The following STX7 variants were observed in gnomAD, a reference collection of about 807,000 sequenced individuals.
The protein encoded by STX7 is syntaxin-7.
STX7 carries 34 observed loss-of-function variants against 39.6 expected under a neutral mutation model. The ratio of observed to expected loss-of-function variants is 0.86; its 90% CI spans 0.65 to 1.14. The LOEUF is 1.14. Ranked by LOEUF, STX7 falls within the 50% of genes most tolerant of loss-of-function variation. The pLI is 0.00. For synonymous variants in STX7, 119 were observed against 99.1 expected, an observed-to-expected ratio of 1.20 and a Z score of -1.19; for missense variants, 284 against 310.4, an observed-to-expected ratio of 0.92 and a Z score of 0.64.
At chr6:132,509,119 C>A (rs571961465) in intron 1 of STX7, among the ~76,000 whole-genome samples, 1 of 152,244 alleles carries the variant, frequency 6.6e-6, no homozygotes, top group East Asian at 1.9e-4. Context: ...CTAAGCCATA[C>A]TGCTTCCTTG....
At chr6:132,508,483 T>A (rs779790370) in intron 1 of STX7, among the ~76,000 whole-genome samples, 1 of 152,192 alleles carries the variant, frequency 6.6e-6, no homozygotes, top group Non-Finnish European at 1.5e-5. Context: ...CTACTTAGAT[T>A]GACTGGAATT....
rs953589591 is a variant in STX7 at position 132,457,871 on chromosome 6, A to G, written c.*2887T>C. On this transcript the variant is annotated 3_prime_UTR_variant, in exon 10 of 10. Transcript: ENST00000367941. Reference sequence around the variant, plus strand: ...GACTTTCAAAAAAAATAAATGCTGCATAAGTTACCCTTGTGGACCTTAGCT... The same window carrying G: ...GACTTTCAAAAAAAATAAATGCTGCGTAAGTTACCCTTGTGGACCTTAGCT... 2 of 152,258 alleles carry G rather than the reference A, an allele frequency of 1.3e-5. No individual in the cohort carries two copies. Among genetic ancestry groups the G allele is most frequent in the African/African-American group, 4.8e-5 (2 of 41,472 alleles). The allele number at this position is 152,258 out of a possible 1,614,324, so 9.4% of individuals were successfully genotyped here.
At chr6:132,479,669 C>T (rs191243693) in intron 2 of STX7, among the ~76,000 whole-genome samples, 2 of 152,172 alleles carry the variant, frequency 1.3e-5, no homozygotes, top group Non-Finnish European at 2.9e-5. Context: ...ATAGACTCAA[C>T]AATATGGATT....
At position 132,460,666 on chromosome 6, in the gene STX7, T is replaced by A; in HGVS notation, c.*92A>T. 1 of 1,026,468 alleles carries A rather than the reference T, an allele frequency of 9.7e-7. No individual in the cohort carries two copies. The highest frequency in any genetic ancestry group is 1.4e-6 in the Non-Finnish European group (1 of 704,046). The allele number at this position is 1,026,468 out of a possible 1,614,324, so 63.6% of individuals were successfully genotyped here. A position where few individuals can be genotyped will look rare whatever the true frequency, so the allele number is the denominator to read the frequency against. On this transcript the variant is annotated 3_prime_UTR_variant, in exon 10 of 10. Coordinates refer to ENST00000367941, the MANE Select transcript of STX7 (RefSeq NM_003569.3). ...AGTATGGGAACCATCCTTTATACAA[T>A]AGCTTTAAAATAATAATTAAAAAAA...
At chr6:132,482,580 A>T (rs1382550642) in intron 2 of STX7, among the ~76,000 whole-genome samples, 1 of 152,244 alleles carries the variant, frequency 6.6e-6, no homozygotes, top group Non-Finnish European at 1.5e-5. Context: ...AAAAGGACTG[A>T]AAGTAAAAGA....
At position 132,472,382 on chromosome 6, in the gene STX7, T is replaced by G. The variant is rs368455564; in HGVS notation, c.156-7A>C. ...ATACTGCTGCTTCTGTTGCCTAAAGTGAGAAAACACGCATTACAGCCAAAG... is the reference window on the plus strand; with the variant it reads ...ATACTGCTGCTTCTGTTGCCTAAAGGGAGAAAACACGCATTACAGCCAAAG... On this transcript the variant is annotated splice_region_variant and splice_polypyrimidine_tract_variant and intron_variant, in intron 3 of 9. Coordinates refer to ENST00000367941, the MANE Select transcript of STX7 (RefSeq NM_003569.3). The G allele has an allele frequency of 6.2e-5, 100 of 1,605,758 alleles. No individual in the cohort carries two copies. The African/African-American group carries it at 1.2e-3, about 19-fold the overall frequency.
upstream of STX7, among the ~76,000 whole-genome samples, chr6:132,513,404 C>T (rs1015083203): frequency 6.6e-6 from 1 of 152,224 alleles, no homozygotes; most frequent in African/African-American, 2.4e-5. Flanking sequence ...TCTTGCCTGT[C>T]TTGTTTGCTA....
chr6:132,496,228 T>C (rs1256713282), intron 2 of STX7, among the ~76,000 whole-genome samples: 1 of 152,178 alleles, frequency 6.6e-6, no homozygotes, highest in Non-Finnish European at 1.5e-5. Flanking sequence ...TTTCCAACTT[T>C]AGCCACACTA....
At chr6:132,510,465 T>C (rs1283531246) in intron 1 of STX7, among the ~76,000 whole-genome samples, 2 of 152,284 alleles carry the variant, frequency 1.3e-5, no homozygotes, top group Non-Finnish European at 2.9e-5. Context: ...ACTTTTACTC[T>C]ACATTTCATT....
intron 2 of STX7, among the ~76,000 whole-genome samples, chr6:132,502,097 A>G (rs183952257): frequency 4.7e-4 from 71 of 152,274 alleles, no homozygotes; most frequent in African/African-American, 1.5e-3. Flanking sequence ...AATCACCCCA[A>G]ATCAGAATAA....
chr6:132,463,999 A>G lies in STX7; in HGVS notation c.687T>C (p.Asp229=), dbSNP rs1295312988. ...TTGATCACAGTTAAATTACCTGATAATCTGCTGCCCTTGACAGCTGCTGAT... is the reference window on the plus strand; with the variant it reads ...TTGATCACAGTTAAATTACCTGATAGTCTGCTGCCCTTGACAGCTGCTGAT... ...QANQQLSRAA[D]YQRKSRKTLC... The change falls in exon 9 of 10, where the codon GAT becomes GAC. Residue 229 remains aspartate (D), a synonymous_variant. Transcript: ENST00000367941. 1 of 1,614,094 alleles carries G rather than the reference A, an allele frequency of 6.2e-7. No individual in the cohort carries two copies. Among genetic ancestry groups the G allele is most frequent in the Admixed American group, 1.7e-5 (1 of 60,012 alleles).
intron 2 of STX7, among the ~76,000 whole-genome samples, chr6:132,495,241 G>C (rs1010388981): frequency 2.0e-5 from 3 of 152,194 alleles, no homozygotes; most frequent in Non-Finnish European, 4.4e-5. Flanking sequence ...TAAAGGAAAA[G>C]TCACTGAAGA....
intron 1 of STX7, among the ~76,000 whole-genome samples, chr6:132,509,607 T>C (rs62424933): frequency 0.15 from 22,814 of 151,418 alleles, 3,018 homozygotes; most frequent in African/African-American, 0.35. Context: ...GATGAAGGAA[T>C]ATGTTTGGGA....
At position 132,460,544 on chromosome 6, in the gene STX7, G is replaced by A. The variant is rs1774364338; in HGVS notation, c.*214C>T. 4 of 390,196 alleles carry A rather than the reference G, an allele frequency of 1.0e-5. No individual in the cohort carries two copies. In the East Asian group the frequency reaches 1.2e-4, roughly 12 times the overall value. The allele number at this position is 390,196 out of a possible 1,614,324, so 24.2% of individuals were successfully genotyped here. On this transcript the variant is annotated 3_prime_UTR_variant, in exon 10 of 10. Transcript: ENST00000367941. The stretch of plus-strand genomic sequence containing the variant: ...AACTATTAAATTGAAGACCAAGGGA[G>A]TTATGTCAGCAGTGACATTTAGAAA...
chr6:132,500,784 A>G (rs1205532181), intron 2 of STX7, among the ~76,000 whole-genome samples: 3 of 152,194 alleles, frequency 2.0e-5, no homozygotes, highest in Non-Finnish European at 2.9e-5. Flanking sequence ...CTATGTTTAA[A>G]ATTCTTATTA....
At chr6:132,466,553 A>G (rs1186202878) in intron 8 of STX7, among the ~76,000 whole-genome samples, 1 of 152,214 alleles carries the variant, frequency 6.6e-6, no homozygotes, top group Non-Finnish European at 1.5e-5. Context: ...CTAAACATTT[A>G]GAGGATCCAG....
chr6:132,462,215 T>G (rs926043174), intron 9 of STX7, among the ~76,000 whole-genome samples: 2 of 152,214 alleles, frequency 1.3e-5, no homozygotes, highest in Non-Finnish European at 2.9e-5. Flanking sequence ...ATAAGTGAAC[T>G]TGAATTTCTC....
At chr6:132,509,508 A>C (rs879556758) in intron 1 of STX7, among the ~76,000 whole-genome samples, 2,001 of 136,740 alleles carry the variant, frequency 0.015, 130 homozygotes, top group Admixed American at 0.036. Flanking sequence ...ATAACATAAC[A>C]TAACATAAAA....
At chr6:132,461,887 T>C in intron 9 of STX7, 1 of 1,531,322 alleles carries the variant, frequency 6.5e-7, no homozygotes, top group Non-Finnish European at 8.8e-7. Context: ...ATTTGTAAAT[T>C]TACTTTGTGT....
Sources: allele counts gnomAD v4.1 joint callset (sites outside exome capture counted in the v4.1 genomes callset), GRCh38; gene constraint gnomAD v4.1.1; transcripts MANE v1.5; gene names NCBI Gene and HGNC (gene_info 2026-07-23, HGNC 2026-07-21).